CYBB: variants seen among roughly 807,000 people sequenced by gnomAD.
The protein encoded by CYBB is cytochrome b-245 beta chain.
CYBB carries 5 observed loss-of-function variants against 46.5 expected under a neutral mutation model. That is an observed-to-expected ratio of 0.11 (90% CI 0.06 to 0.23). CYBB has a LOEUF of 0.23. CYBB is among the 10% of genes least tolerant of loss of function. The probability of loss-of-function intolerance (pLI) is 1.00; values close to 1 mark genes in which losing one functional copy is unlikely to be tolerated. For missense variants in CYBB, 307 were observed against 428.3 expected (o/e 0.72, Z 2.50); for synonymous variants, 183 against 156.7 (o/e 1.17, Z -1.26).
At chrX:37,787,469 C>T (rs781995545) in intron 3 of CYBB, among the ~76,000 whole-genome samples, 1 of 111,984 alleles carries the variant, frequency 8.9e-6, no homozygotes, top group Admixed American at 9.5e-5. Flanking sequence ...TTCAATAGAG[C>T]ATAGAAATCT....
intron 8 of CYBB, among the ~76,000 whole-genome samples, chrX:37,802,281 A>C (rs1330125919): frequency 8.9e-6 from 1 of 111,847 alleles, no homozygotes; most frequent in Non-Finnish European, 1.9e-5. Context: ...ATATTGCATT[A>C]TAAGAACAAT....
intron 2 of CYBB, among the ~76,000 whole-genome samples, 186 bp from the exon 3 acceptor site, chrX:37,783,304 A>T (rs1032653400): frequency 8.9e-6 from 1 of 112,020 alleles, no homozygotes; most frequent in Admixed American, 9.5e-5. Flanking sequence ...CAAAAGGTCA[A>T]TTTCAGATGA....
Position 37,810,830 on chromosome X carries a change from G to A in CYBB, c.1626G>A (p.Leu542=). 4.1e-6 allele frequency: 5 copies of A among 1,207,188 alleles called. No homozygotes were observed. Among genetic ancestry groups the A allele is most frequent in the Non-Finnish European group, 5.6e-6 (5 of 891,944 alleles). Residue 542 remains leucine (L), a synonymous_variant, in exon 13 of 13, where the codon TTG becomes TTA. Transcript: ENST00000378588. The part of the protein sequence containing the change: ...IGVFLCGPEA[L]AETLSKQSIS... ...TTTTCCTCTGTGGACCTGAAGCCTT[G>A]GCTGAAACCCTGAGTAAACAAAGCA...
At chrX:37,795,225 T>C (rs1440368296) in intron 5 of CYBB, among the ~76,000 whole-genome samples, 1 of 111,474 alleles carries the variant, frequency 9.0e-6, no homozygotes, top group Non-Finnish European at 1.9e-5. Context: ...GGAAGGTTGG[T>C]GGGGGGTGGC....
In CYBB at chrX:37,809,890, T is replaced by A. The variant is rs549279776; in HGVS notation, c.1586+199T>A. On this transcript the variant is annotated intron_variant, in intron 12 of 12. Coordinates refer to ENST00000378588, the MANE Select transcript of CYBB (RefSeq NM_000397.4). Reference sequence around the variant, plus strand: ...TAAATTATACCAAATTACCTGGAGATTAATTAAAAACAAGTATTTCCAGGT... The same window carrying A: ...TAAATTATACCAAATTACCTGGAGAATAATTAAAAACAAGTATTTCCAGGT... Among the ~76,000 whole-genome samples the A allele has an allele frequency of 1.4e-4, 16 of 112,052 alleles. No individual in the cohort carries two copies. The South Asian group carries it at 5.9e-3, about 41-fold the overall frequency.
chrX:37,803,729 C>A, intron 8 of CYBB, 148 bp from the exon 9 acceptor site: 1 of 565,389 alleles, frequency 1.8e-6, no homozygotes, highest in Non-Finnish European at 3.0e-6. Context: ...TTCCCTGTGA[C>A]AGACACATCT....
intron 1 of CYBB, 34 bp from the exon 2 acceptor site, chrX:37,782,054 C>A: frequency 8.9e-7 from 1 of 1,117,689 alleles, no homozygotes; most frequent in Non-Finnish European, 1.2e-6. Context: ...TGTGGAAATG[C>A]GGAAACTTCA....
At chrX:37,800,604 G>A (rs1556469637) in intron 7 of CYBB, among the ~76,000 whole-genome samples, 1 of 111,382 alleles carries the variant, frequency 9.0e-6, no homozygotes, top group African/African-American at 3.3e-5. Flanking sequence ...GTTTCAGGAT[G>A]GATCTGTTTG....
intron 12 of CYBB, 145 bp from the exon 13 acceptor site, chrX:37,810,646 A>G: frequency 3.6e-6 from 2 of 556,848 alleles, no homozygotes; most frequent in Non-Finnish European, 6.0e-6. Flanking sequence ...TCTGAGCAAT[A>G]TGATCCCTTT....
At chrX:37,783,392 C>G (rs782410539) in intron 2 of CYBB, 98 bp from the exon 3 acceptor site, 2 of 567,129 alleles carry the variant, frequency 3.5e-6, no homozygotes, top group Non-Finnish European at 3.1e-6. Flanking sequence ...CTTGGTGTCT[C>G]TGGTGTGTGG....
intron 3 of CYBB, among the ~76,000 whole-genome samples, chrX:37,785,153 C>T (rs1929035269): frequency 8.9e-6 from 1 of 112,208 alleles, no homozygotes; most frequent in South Asian, 3.6e-4. Context: ...CAAAATTGGG[C>T]TCTCACAAAT....
At chrX:37,783,749 G>T in intron 3 of CYBB, 149 bp downstream of exon 3, 1 of 493,868 alleles carries the variant, frequency 2.0e-6, no homozygotes, top group Non-Finnish European at 3.6e-6. Flanking sequence ...GTATATTTCT[G>T]TGCTATTTGG....
chrX:37,788,163 C>T lies in CYBB; in HGVS notation c.253-3812C>T, dbSNP rs967997131. ...GGGGGCATCAACATATATTATTTTA[C>T]ATTTTTTATGATCCATGGTGATTAT... On this transcript the variant is annotated intron_variant, in intron 3 of 12. Coordinates refer to ENST00000378588, the MANE Select transcript of CYBB (RefSeq NM_000397.4). Among the ~76,000 whole-genome samples the T allele has an allele frequency of 1.2e-4, 13 of 111,864 alleles. 1 individual carries two copies. Among genetic ancestry groups the T allele is most frequent in the African/African-American group, 3.6e-4 (11 of 30,747 alleles).
In CYBB at chrX:37,801,253, C is replaced by T. The variant is rs1345005827; in HGVS notation, c.805-3C>T. The T allele has an allele frequency of 1.7e-6, 2 of 1,191,634 alleles. No individual in the cohort carries two copies. The highest frequency in any genetic ancestry group is 2.3e-6 in the Non-Finnish European group (2 of 878,828). ...CTCATTTTCATTTTTGCTCTGATTACAGACTTGGAAATGGATAGTGGGTCC... is the reference window on the plus strand; with the variant it reads ...CTCATTTTCATTTTTGCTCTGATTATAGACTTGGAAATGGATAGTGGGTCC... On this transcript the variant is annotated splice_region_variant and splice_polypyrimidine_tract_variant and intron_variant, in intron 7 of 12. Coordinates refer to ENST00000378588, the MANE Select transcript of CYBB (RefSeq NM_000397.4).
At chrX:37,804,968 G>T (rs376148898) in intron 9 of CYBB, 38 bp from the exon 10 acceptor site, 2 of 1,195,001 alleles carry the variant, frequency 1.7e-6, no homozygotes. Flanking sequence ...TGAAGAGCAA[G>T]ACATCTCTGT....
intron 7 of CYBB, 38 bp from the exon 8 acceptor site, chrX:37,801,218 C>A (rs1556469797): frequency 2.0e-6 from 2 of 984,699 alleles, no homozygotes; most frequent in Non-Finnish European, 2.9e-6. Context: ...TCTATTACCA[C>A]TTAATGTATC....
At chrX:37,808,421 C>A (rs1473792810) in intron 11 of CYBB, among the ~76,000 whole-genome samples, 9 of 112,101 alleles carry the variant, frequency 8.0e-5, no homozygotes, top group Non-Finnish European at 1.5e-4. Flanking sequence ...ATCACATAGG[C>A]AACATCTGAA....
chrX:37,780,189 G>A lies in CYBB; in HGVS notation c.45+67G>A, dbSNP rs1172778139. 5.4e-6 allele frequency: 5 copies of A among 929,402 alleles called. No homozygotes were observed. The African/African-American group carries it at 7.8e-5, about 14-fold the overall frequency. The allele number at this position is 929,402 out of a possible 1,213,427, so 76.6% of individuals were successfully genotyped here. A position where few individuals can be genotyped will look rare whatever the true frequency, so the allele number is the denominator to read the frequency against. On this transcript the variant is annotated intron_variant, in intron 1 of 12. Transcript: ENST00000378588. ...TCGGGGTTATCTTGGAACTAAAATA[G>A]ACCAAAGCTTTTTTGTTCATTTGAG...
In CYBB at chrX:37,799,213, A is replaced by G. The variant is rs1929384712; in HGVS notation, c.804+129A>G. 5 of 640,574 alleles carry G rather than the reference A, an allele frequency of 7.8e-6. No homozygotes were observed. In the East Asian group the frequency reaches 1.0e-4, roughly 13 times the overall value. 52.8% of individuals were successfully genotyped at this position (640,574 alleles called of 1,213,427 possible). A position where few individuals can be genotyped will look rare whatever the true frequency, so the allele number is the denominator to read the frequency against. ...ACAAATGTCATGGAACAGCTAAAAC[A>G]TGTGTCTACTTTTCTCTGCTATACT... On this transcript the variant is annotated intron_variant, in intron 7 of 12. Coordinates refer to ENST00000378588, the MANE Select transcript of CYBB (RefSeq NM_000397.4).
Sources: allele counts gnomAD v4.1 joint callset (sites outside exome capture counted in the v4.1 genomes callset), GRCh38; gene constraint gnomAD v4.1.1; transcripts MANE v1.5; gene names NCBI Gene and HGNC (gene_info 2026-07-23, HGNC 2026-07-21).